The following HEG1 variants were observed in gnomAD, a reference collection of about 807,000 sequenced individuals.
HEG1 encodes the protein heart development protein with EGF like domains 1.
HEG1 carries 56 observed loss-of-function variants against 125.6 expected under a neutral mutation model. The ratio of observed to expected loss-of-function variants is 0.45; its 90% CI spans 0.36 to 0.56. The LOEUF is 0.56. Ranked by LOEUF, HEG1 falls within the 20% of genes least tolerant of loss-of-function variation. The pLI is 0.00. For synonymous variants in HEG1, 644 were observed against 668.5 expected (o/e 0.96, Z 0.57); for missense variants, 1,523 against 1,670.0 (o/e 0.91, Z 1.53).
intron 7 of HEG1, 37 bp downstream of exon 7, chr3:125,010,402 T>C (rs1481185055): frequency 1.5e-6 from 2 of 1,322,184 alleles, no homozygotes; most frequent in Non-Finnish European, 2.1e-6. Flanking sequence ...AACGTGGTAC[T>C]GTGGTGCAGA....
intron 1 of HEG1, among the ~76,000 whole-genome samples, chr3:125,053,319 T>G (rs1193828691): frequency 6.6e-6 from 1 of 152,210 alleles, no homozygotes; most frequent in Non-Finnish European, 1.5e-5. Flanking sequence ...ATCAGAAAAC[T>G]CAGACTCACT....
intron 1 of HEG1, among the ~76,000 whole-genome samples, chr3:125,035,684 G>A (rs1021646308): frequency 6.6e-6 from 1 of 151,812 alleles, no homozygotes; most frequent in African/African-American, 2.4e-5. Flanking sequence ...AATTCTTAAT[G>A]AAAGATATCA....
chr3:125,055,670 C>T lies in HEG1; in HGVS notation c.221G>A (p.Gly74Glu). The change falls in exon 1 of 17, where the codon GGG becomes GAG. Residue 74 changes from glycine to glutamate, a missense_variant. Coordinates refer to ENST00000311127, the MANE Select transcript of HEG1 (RefSeq NM_020733.2). Reference sequence around the variant, plus strand: ...GTAGCTGGGGCCGGGGGTCGCGGGCCCGCGGCGCTCCCGGGGCGGCGTGGG... The same window carrying T: ...GTAGCTGGGGCCGGGGGTCGCGGGCTCGCGGCGCTCCCGGGGCGGCGTGGG... ...PPPTPPRERRGPATPGPSYRA... is the reference protein window; with the variant it reads ...PPPTPPRERREPATPGPSYRA... The T allele has an allele frequency of 8.6e-7, 1 of 1,157,926 alleles. No individual in the cohort carries two copies. Among genetic ancestry groups the T allele is most frequent in the Non-Finnish European group, 1.1e-6 (1 of 940,888 alleles). 71.7% of individuals were successfully genotyped at this position (1,157,926 alleles called of 1,614,324 possible).
chr3:124,984,511 C>A (rs753599187), intron 14 of HEG1, among the ~76,000 whole-genome samples: 3 of 152,086 alleles, frequency 2.0e-5, no homozygotes, highest in Admixed American at 6.5e-5. Context: ...GTAATCCCAG[C>A]GCTTTGGGAG....
At chr3:124,997,335 C>T (rs2107694311) in intron 12 of HEG1, among the ~76,000 whole-genome samples, 1 of 152,234 alleles carries the variant, frequency 6.6e-6, no homozygotes, top group South Asian at 2.1e-4. Flanking sequence ...CACGCTTGTA[C>T]TTCCACTTTA....
At chr3:124,994,902 G>C (rs1454829718) in intron 12 of HEG1, among the ~76,000 whole-genome samples, 1 of 152,148 alleles carries the variant, frequency 6.6e-6, no homozygotes, top group African/African-American at 2.4e-5. Context: ...TCATCCACTC[G>C]TTCATTCAAC....
Position 125,012,618 on chromosome 3 carries a change from T to G in HEG1, c.2956+5A>C. 6.2e-7 allele frequency: 1 copy of G among 1,610,516 alleles called. No homozygotes were observed. The highest frequency in any genetic ancestry group is 1.3e-5 in the African/African-American group (1 of 75,016). ...TTAACATGTGCTTGTGTGACTGTGT[T>G]TTACCTGAGGCTGAAGAGGACACTG... is the stretch of plus-strand genomic sequence containing the variant. On this transcript the variant is annotated splice_donor_5th_base_variant and intron_variant, in intron 6 of 16. Transcript: ENST00000311127.
chr3:125,029,549 C>T (rs1937468641), intron 1 of HEG1, 61 bp from the exon 2 acceptor site: 2 of 1,502,280 alleles, frequency 1.3e-6, no homozygotes, highest in East Asian at 4.5e-5. Context: ...AAAAGTAAAC[C>T]TTCAGAAAAG....
At chr3:125,026,861 A>G (rs536736715) in intron 3 of HEG1, among the ~76,000 whole-genome samples, 68 of 152,240 alleles carry the variant, frequency 4.5e-4, no homozygotes, top group Middle Eastern at 3.4e-3. Flanking sequence ...TTAGCCGGGC[A>G]TGGTGATGGG....
intron 2 of HEG1, among the ~76,000 whole-genome samples, chr3:125,028,028 A>G (rs1937443065): frequency 6.6e-6 from 1 of 151,390 alleles, no homozygotes; most frequent in African/African-American, 2.4e-5. Context: ...GTCATCTCTG[A>G]CGGCTTCATC....
Position 125,023,587 on chromosome 3 carries a change from G to A in HEG1, c.914-2457C>T, listed in dbSNP as rs577647365. On this transcript the variant is annotated intron_variant, in intron 3 of 16. Transcript: ENST00000311127. ...ACTTTGGCAGAGTTGGTGACTCTTC[G>A]TAAAAAGAGAAAATGTTTGGTCAAA... Among the ~76,000 whole-genome samples, 27 of 152,212 alleles carry A rather than the reference G, an allele frequency of 1.8e-4. No individual in the cohort carries two copies. In the South Asian group the frequency reaches 1.9e-3, roughly 11 times the overall value.
In HEG1 at chr3:125,020,940, A is replaced by C. The variant is rs146637072; in HGVS notation, c.1104T>G (p.Thr368=). 2.4e-5 allele frequency: 38 copies of C among 1,614,002 alleles called. No homozygotes were observed. The East Asian group carries it at 8.2e-4, about 35-fold the overall frequency. Residue 368 remains threonine, a synonymous_variant, in exon 4 of 17, where the codon ACT becomes ACG. Coordinates refer to ENST00000311127, the MANE Select transcript of HEG1 (RefSeq NM_020733.2). ...GFPKDSRIAT[T]SSSVLLSPSA... ...AGGGTGAAAGAAGGACTGAGGATGA[A>C]GTCGTGGCAATTCTGGAGTCCTTGG...
chr3:125,031,884 G>C, intron 1 of HEG1, among the ~76,000 whole-genome samples: 1 of 151,990 alleles, frequency 6.6e-6, no homozygotes, highest in Non-Finnish European at 1.5e-5. Flanking sequence ...TGCTGCCTAA[G>C]AGATACTGAG....
At chr3:125,031,681 ACACACACACACACCCACATATACCCCC>A (rs1937503914) in intron 1 of HEG1, among the ~76,000 whole-genome samples, 1 of 80,410 alleles carries the variant, frequency 1.2e-5, no homozygotes, top group Non-Finnish European at 2.4e-5. Context: ...ATACATACAT[ACACACACACACACCCACATATACCCCC>A]CACACACACA....
intron 1 of HEG1, among the ~76,000 whole-genome samples, chr3:125,054,441 TTAACTC>T (rs1401051857): frequency 3.9e-5 from 6 of 152,230 alleles, no homozygotes; most frequent in Non-Finnish European, 8.8e-5. Flanking sequence ...TTTTTCTTAT[TTAACTC>T]TAAGAAGCAC....
chr3:124,990,400 G>A (rs1484160712), intron 14 of HEG1, among the ~76,000 whole-genome samples: 2 of 151,184 alleles, frequency 1.3e-5, no homozygotes, highest in Admixed American at 1.3e-4. Flanking sequence ...GTGCAGTGGC[G>A]TGATCTTGGC....
At chr3:125,046,373 G>C (rs1937666006) in intron 1 of HEG1, among the ~76,000 whole-genome samples, 1 of 138,012 alleles carries the variant, frequency 7.2e-6, no homozygotes, top group African/African-American at 2.8e-5. Context: ...TCATATATAT[G>C]TATATGTATA....
In HEG1 at chr3:125,012,634, G is replaced by A. The variant is rs1306372222; in HGVS notation, c.2945C>T (p.Ser982Phe). ...SSTQSPTTVS[S>F]SASVNSCAVN... ...TGACTGTGTTTTACCTGAGGCTGAAGAGGACACTGTTGTTGGTGACTGTGT... is the reference window on the plus strand; with the variant it reads ...TGACTGTGTTTTACCTGAGGCTGAAAAGGACACTGTTGTTGGTGACTGTGT... Residue 982 changes from serine (S) to phenylalanine (F), a missense_variant, in exon 6 of 17, where the codon TCT (serine) becomes TTT (phenylalanine). Ser to Phe is a radical substitution (Grantham distance 155, BLOSUM62 -2). Coordinates refer to ENST00000311127, the MANE Select transcript of HEG1 (RefSeq NM_020733.2). The A allele has an allele frequency of 6.2e-7, 1 of 1,613,024 alleles. No homozygotes were observed. The highest frequency in any genetic ancestry group is 8.5e-7 in the Non-Finnish European group (1 of 1,179,466).
intron 14 of HEG1, among the ~76,000 whole-genome samples, chr3:124,987,186 T>C (rs1273028670): frequency 1.3e-5 from 2 of 152,072 alleles, no homozygotes; most frequent in Admixed American, 6.5e-5. Context: ...GCCTGGGCAA[T>C]AGAGAGAGAC....
Sources: allele counts gnomAD v4.1 joint callset (sites outside exome capture counted in the v4.1 genomes callset), GRCh38; gene constraint gnomAD v4.1.1; transcripts MANE v1.5; gene names NCBI Gene and HGNC (gene_info 2026-07-23, HGNC 2026-07-21).